The following HERC3 variants were observed in gnomAD, a reference collection of about 807,000 sequenced individuals.
HERC3 encodes HECT and RLD domain containing E3 ubiquitin protein ligase 3.
Under a neutral mutation model 129.9 loss-of-function variants are expected in HERC3, and 58 were observed. The ratio of observed to expected loss-of-function variants is 0.45; its 90% CI spans 0.36 to 0.56. HERC3 has a LOEUF of 0.56. Among genes scored for constraint, HERC3 ranks in the 20% least tolerant of loss-of-function variants. HERC3 has a pLI of 0.00. For missense variants in HERC3, 835 were observed against 1,244.2 expected (o/e 0.67, Z 4.95); for synonymous variants, 430 against 451.0 (o/e 0.95, Z 0.59).
chr4:88,690,842 T>G (rs940843564), intron 23 of HERC3, among the ~76,000 whole-genome samples: 1 of 152,220 alleles, frequency 6.6e-6, no homozygotes, highest in Non-Finnish European at 1.5e-5. Context: ...AGACATTTCT[T>G]TGAATCAACA....
At chr4:88,648,901 G>GTT (rs936031451) in intron 3 of HERC3, among the ~76,000 whole-genome samples, 1 of 141,860 alleles carries the variant, frequency 7.0e-6, no homozygotes, top group Admixed American at 7.0e-5. Context: ...GCTTTTGAAG[G>GTT]TTTTTTTTTT....
At chr4:88,642,852 A>G (rs1379443087) in intron 3 of HERC3, among the ~76,000 whole-genome samples, 7 of 151,540 alleles carry the variant, frequency 4.6e-5, no homozygotes, top group Non-Finnish European at 2.9e-5. Context: ...CACTCTCACT[A>G]CTGCTATTCA....
At position 88,651,998 on chromosome 4, in the gene HERC3, C is replaced by G. The variant is rs752434591; in HGVS notation, c.387-14C>G. The G allele has an allele frequency of 8.5e-5, 134 of 1,578,254 alleles. No individual in the cohort carries two copies. The highest frequency in any genetic ancestry group is 8.7e-7 in the Non-Finnish European group (1 of 1,149,746). ...TGAATATCTATCTGAAAAAGAAAGC[C>G]TTTTCTGTTTTAGGTTAATACAAAA... On this transcript the variant is annotated splice_polypyrimidine_tract_variant and intron_variant, in intron 4 of 25. Coordinates refer to ENST00000402738, the MANE Select transcript of HERC3 (RefSeq NM_014606.3).
At chr4:88,667,143 A>G (rs547238669) in intron 12 of HERC3, among the ~76,000 whole-genome samples, 1 of 152,194 alleles carries the variant, frequency 6.6e-6, no homozygotes, top group Non-Finnish European at 1.5e-5. Context: ...TAAAAATTTG[A>G]AAATTCTTGT....
chr4:88,674,053 A>AT (rs1006492105), intron 16 of HERC3, among the ~76,000 whole-genome samples: 1 of 152,242 alleles, frequency 6.6e-6, no homozygotes, highest in African/African-American at 2.4e-5. Flanking sequence ...AACAGAGAGA[A>AT]TGGTGACCCT....
chr4:88,656,342 G>T, intron 9 of HERC3: 1 of 278,720 alleles, frequency 3.6e-6, no homozygotes, highest in Non-Finnish European at 6.9e-6. Context: ...GGCTCTACAG[G>T]GAGCATGATG....
At chr4:88,657,230 G>A (rs199718197) in intron 9 of HERC3, 1 of 152,248 alleles carries the variant, frequency 6.6e-6, no homozygotes, top group Non-Finnish European at 1.5e-5. Context: ...ACCATCATAA[G>A]TTTTAGTACT....
intron 4 of HERC3, among the ~76,000 whole-genome samples, chr4:88,651,324 G>T (rs1729250591): frequency 1.3e-5 from 2 of 152,150 alleles, no homozygotes; most frequent in African/African-American, 4.8e-5. Flanking sequence ...TCTATTATAA[G>T]TTAATTGAAA....
intron 2 of HERC3, 40 bp from the exon 3 acceptor site, chr4:88,605,755 C>A: frequency 1.6e-6 from 2 of 1,238,974 alleles, no homozygotes; most frequent in South Asian, 1.4e-5. Context: ...TGACCTATTT[C>A]TTTTTAATTA....
chr4:88,707,152 G>A lies in HERC3; in HGVS notation c.*192G>A, dbSNP rs1735853664. The A allele has an allele frequency of 3.4e-6, 2 of 589,586 alleles. No homozygotes were observed. Among genetic ancestry groups the A allele is most frequent in the East Asian group, 5.8e-5 (2 of 34,720 alleles). The allele number at this position is 589,586 out of a possible 1,614,324, so 36.5% of individuals were successfully genotyped here. A position where few individuals can be genotyped will look rare whatever the true frequency, so the allele number is the denominator to read the frequency against. On this transcript the variant is annotated 3_prime_UTR_variant, in exon 26 of 26. Transcript: ENST00000402738. ...ACCTTTTTGAAAAATTAGAGGTTGG[G>A]GATGGGGTGAAAAATTGGCCCTTGT... is the stretch of plus-strand genomic sequence containing the variant.
upstream of HERC3, among the ~76,000 whole-genome samples, chr4:88,588,962 G>C (rs1156579564): frequency 3.3e-5 from 5 of 152,096 alleles, no homozygotes; most frequent in Non-Finnish European, 7.4e-5. Context: ...CTTGCTCCTC[G>C]GGAGGCTAAG....
chr4:88,665,919 T>G (rs1730998132), intron 12 of HERC3, among the ~76,000 whole-genome samples: 1 of 152,166 alleles, frequency 6.6e-6, no homozygotes. Context: ...CCAGGGTGAT[T>G]TTGCTCCCCA....
chr4:88,540,703 C>T, the HERC3 span, among the ~76,000 whole-genome samples: 4 of 152,230 alleles, frequency 2.6e-5, no homozygotes, highest in South Asian at 4.1e-4. Context: ...AGAGAAAGGT[C>T]GGGTTACCCA....
chr4:88,626,399 T>C (rs1291017893), intron 3 of HERC3, among the ~76,000 whole-genome samples: 1 of 152,170 alleles, frequency 6.6e-6, no homozygotes, highest in Non-Finnish European at 1.5e-5. Flanking sequence ...CTTCCTTAAA[T>C]GGCTGGTAGA....
At chr4:88,704,863 CTTTTT>C (rs1165694315) in intron 25 of HERC3, among the ~76,000 whole-genome samples, 1 of 130,672 alleles carries the variant, frequency 7.7e-6, no homozygotes, top group Non-Finnish European at 1.6e-5. Context: ...TTCTTTCTTT[CTTTTT>C]TTTTTTTTTT....
chr4:88,578,588 A>C, the HERC3 span, among the ~76,000 whole-genome samples: 4 of 152,110 alleles, frequency 2.6e-5, no homozygotes, highest in Non-Finnish European at 5.9e-5. Context: ...TCATAAAAAA[A>C]AAAAAAAGAA....
chr4:88,682,732 T>G (rs1366756682), intron 21 of HERC3, among the ~76,000 whole-genome samples: 2 of 152,274 alleles, frequency 1.3e-5, no homozygotes, highest in Non-Finnish European at 2.9e-5. Context: ...TTGTTGGACA[T>G]TTGGGTTGAT....
intron 25 of HERC3, among the ~76,000 whole-genome samples, chr4:88,705,969 GT>G (rs1735743205): frequency 6.6e-6 from 1 of 152,190 alleles, no homozygotes. Context: ...TGAATGACAG[GT>G]TAAGGTTTGC....
chr4:88,648,874 T>A (rs924700377), intron 3 of HERC3, among the ~76,000 whole-genome samples: 1 of 152,072 alleles, frequency 6.6e-6, no homozygotes, highest in African/African-American at 2.4e-5. Flanking sequence ...ATCTCTTCAT[T>A]TCTAACTTTC....
Sources: allele counts gnomAD v4.1 joint callset (sites outside exome capture counted in the v4.1 genomes callset), GRCh38; gene constraint gnomAD v4.1.1; transcripts MANE v1.5; gene names NCBI Gene and HGNC (gene_info 2026-07-23, HGNC 2026-07-21).